Variants in RAB38 observed in about 807,000 individuals in gnomAD.
RAB38 encodes the protein RAB38, member RAS oncogene family.
A neutral mutation model predicts 18.4 loss-of-function variants in RAB38; 15 were observed. That is an observed-to-expected ratio of 0.82 (90% CI 0.55 to 1.26). The LOEUF is 1.26. Ranked by LOEUF, RAB38 falls within the 50% of genes most tolerant of loss-of-function variation. The pLI is 0.00. For synonymous variants in RAB38, 101 were observed against 104.4 expected, an observed-to-expected ratio of 0.97 and a Z score of 0.20; for missense variants, 294 against 267.4, an observed-to-expected ratio of 1.10 and a Z score of -0.69.
At chr11:88,126,907 G>A (rs1323652696) in intron 2 of RAB38, among the ~76,000 whole-genome samples, 2 of 152,164 alleles carry the variant, frequency 1.3e-5, no homozygotes, top group African/African-American at 4.8e-5. Context: ...GTGCTGGCAT[G>A]CAATAGGCAC....
chr11:88,125,041 A>AC (rs1942679327), intron 2 of RAB38, among the ~76,000 whole-genome samples: 3 of 152,114 alleles, frequency 2.0e-5, no homozygotes, highest in African/African-American at 7.2e-5. Flanking sequence ...GTAACATTTT[A>AC]CCCCAGTTCA....
chr11:87,891,953 A>C, the RAB38 span, among the ~76,000 whole-genome samples: 5 of 151,950 alleles, frequency 3.3e-5, no homozygotes, highest in East Asian at 9.8e-4. Flanking sequence ...GTGATATAGT[A>C]ATTGTTTGAC....
the RAB38 span, among the ~76,000 whole-genome samples, chr11:88,049,090 C>T: frequency 4.6e-5 from 7 of 152,150 alleles, no homozygotes; most frequent in Admixed American, 3.9e-4. Context: ...TAGGTTCCCA[C>T]GCCGCCCCTA....
chr11:88,063,347 C>T, the RAB38 span, among the ~76,000 whole-genome samples: 2 of 152,036 alleles, frequency 1.3e-5, 1 homozygote, highest in South Asian at 4.1e-4. Context: ...TTTAGGTTTC[C>T]AATTTTCCAC....
chr11:87,830,450 C>G, the RAB38 span, among the ~76,000 whole-genome samples: 1 of 151,674 alleles, frequency 6.6e-6, no homozygotes, highest in African/African-American at 2.4e-5. Flanking sequence ...CACTGCACTG[C>G]AGCCTGGGTG....
the RAB38 span, among the ~76,000 whole-genome samples, chr11:87,977,702 T>A: frequency 9.1e-6 from 1 of 110,094 alleles, no homozygotes; most frequent in Admixed American, 1.2e-4. Context: ...TATATAGGGA[T>A]ATATTATATA....
the RAB38 span, among the ~76,000 whole-genome samples, chr11:88,004,345 A>G: frequency 6.6e-6 from 1 of 151,148 alleles, no homozygotes; most frequent in African/African-American, 2.4e-5. Context: ...TTGGAAATCA[A>G]TCAGTGTAAT....
the RAB38 span, among the ~76,000 whole-genome samples, chr11:87,934,741 G>T: frequency 6.6e-6 from 1 of 151,632 alleles, no homozygotes; most frequent in Non-Finnish European, 1.5e-5. Flanking sequence ...AGTCTGATCA[G>T]GAAAAAAGAA....
chr11:88,104,179 C>G, the RAB38 span, among the ~76,000 whole-genome samples: 1 of 152,146 alleles, frequency 6.6e-6, no homozygotes, highest in Admixed American at 6.6e-5. Context: ...TGCGCTCCCT[C>G]AGCCATAGAA....
the RAB38 span, among the ~76,000 whole-genome samples, chr11:87,960,028 C>A: frequency 1.3e-5 from 2 of 152,112 alleles, no homozygotes; most frequent in African/African-American, 4.8e-5. Context: ...GTACACATTA[C>A]AAAGGAAAAT....
At chr11:87,955,207 A>AT in the RAB38 span, among the ~76,000 whole-genome samples, 1 of 152,098 alleles carries the variant, frequency 6.6e-6, no homozygotes, top group Non-Finnish European at 1.5e-5. Flanking sequence ...GCTTTCATTT[A>AT]TTTTTTCCTC....
the RAB38 span, among the ~76,000 whole-genome samples, chr11:88,046,809 C>A: frequency 3.3e-5 from 5 of 152,108 alleles, no homozygotes; most frequent in African/African-American, 1.2e-4. Context: ...ACCTAGCTGA[C>A]CCCATAGATC....
At chr11:87,915,189 T>C in the RAB38 span, among the ~76,000 whole-genome samples, 1 of 152,258 alleles carries the variant, frequency 6.6e-6, no homozygotes, top group African/African-American at 2.4e-5. Context: ...ATGTGAGCTG[T>C]GCCTAGCAAA....
At chr11:88,144,371 T>C (rs1341275451) in intron 2 of RAB38, among the ~76,000 whole-genome samples, 1 of 152,208 alleles carries the variant, frequency 6.6e-6, no homozygotes, top group Non-Finnish European at 1.5e-5. Flanking sequence ...TGTGCCTAGC[T>C]GCAAAGGAAG....
Position 88,159,199 on chromosome 11 carries a change from CAATA to C in RAB38, c.203-9248_203-9245del, listed in dbSNP as rs58379713. Among the ~76,000 whole-genome samples the C allele has an allele frequency of 1.8e-3, 254 of 142,348 alleles. 1 individual carries two copies. Among genetic ancestry groups the C allele is most frequent in the East Asian group, 3.6e-3 (18 of 4,938 alleles). The allele number at this position is 142,348 out of a possible 152,430, so 93.4% of individuals were successfully genotyped here. A position where few individuals can be genotyped will look rare whatever the true frequency, so the allele number is the denominator to read the frequency against. On this transcript the variant is annotated intron_variant, in intron 1 of 2. Coordinates refer to ENST00000243662, the MANE Select transcript of RAB38 (RefSeq NM_022337.3). ...AACACAATCCCATTTACAATAGCAG[CAATA>C]AATAAATAAATAAATAAATAAATAA...
the RAB38 span, among the ~76,000 whole-genome samples, chr11:87,895,634 A>G: frequency 6.6e-6 from 1 of 151,674 alleles, no homozygotes; most frequent in Non-Finnish European, 1.5e-5. Flanking sequence ...GGCTCCAAAG[A>G]TTATACTACT....
the RAB38 span, among the ~76,000 whole-genome samples, chr11:87,912,979 C>A: frequency 6.6e-6 from 1 of 151,774 alleles, no homozygotes; most frequent in Non-Finnish European, 1.5e-5. Flanking sequence ...AATGTTTTGA[C>A]ATCCCACTTT....
chr11:88,110,337 A>G (rs1942456687), downstream of RAB38, among the ~76,000 whole-genome samples: 1 of 152,072 alleles, frequency 6.6e-6, no homozygotes, highest in African/African-American at 2.4e-5. Context: ...ACACATGGAC[A>G]CAGAGAGGGG....
chr11:88,030,142 C>G, the RAB38 span, among the ~76,000 whole-genome samples: 8,376 of 151,992 alleles, frequency 0.055, 359 homozygotes, highest in African/African-American at 0.081. Context: ...GGGTACATAA[C>G]GAAATGAAGG....
Sources: allele counts gnomAD v4.1 joint callset (sites outside exome capture counted in the v4.1 genomes callset), GRCh38; gene constraint gnomAD v4.1.1; transcripts MANE v1.5; gene names NCBI Gene and HGNC (gene_info 2026-07-23, HGNC 2026-07-21).